The following SERPING1 variants were observed in gnomAD, a reference collection of about 807,000 sequenced individuals.
The protein encoded by SERPING1 is plasma protease C1 inhibitor.
SERPING1 carries 5 observed loss-of-function variants against 34.1 expected under a neutral mutation model. That is an observed-to-expected ratio of 0.15 (90% CI 0.08 to 0.31). The LOEUF (loss-of-function observed/expected upper bound fraction) is 0.31, where lower values mean the gene tolerates loss of function less well. Ranked by LOEUF, SERPING1 falls within the 10% of genes least tolerant of loss-of-function variation. SERPING1 has a pLI of 1.00. For missense variants in SERPING1, 505 were observed against 609.5 expected (o/e 0.83, Z 1.81); for synonymous variants, 225 against 242.4 (o/e 0.93, Z 0.67).
At chr11:57,610,013 T>C (rs1945461488) in intron 6 of SERPING1, among the ~76,000 whole-genome samples, 1 of 152,214 alleles carries the variant, frequency 6.6e-6, no homozygotes, top group Non-Finnish European at 1.5e-5. Context: ...CACCTAAAGC[T>C]CACTTGTAAA....
rs752993036 is a variant in SERPING1 at position 57,599,996 on chromosome 11, G to A, written c.169G>A (p.Glu57Lys). Residue 57 changes from glutamate to lysine, a missense_variant, in exon 3 of 8, where the codon GAA (glutamate) becomes AAA (lysine). Physicochemically the swap from Glu to Lys is moderately conservative, Grantham distance 56. Coordinates refer to ENST00000278407, the MANE Select transcript of SERPING1 (RefSeq NM_000062.3). The part of the protein sequence containing the change: ...TTVISKMLFV[E>K]PILEVSSLPT... ...AGTTATCTCCAAGATGCTATTCGTT[G>A]AACCCATCCTGGAGGTTTCCAGCTT... 116 of 1,614,042 alleles carry A rather than the reference G, an allele frequency of 7.2e-5. No homozygotes were observed. The highest frequency in any genetic ancestry group is 4.9e-4 in the Middle Eastern group (3 of 6,084).
At position 57,614,233 on chromosome 11, in the gene SERPING1, C is replaced by T. The variant is rs968979926; in HGVS notation, c.1250-95C>T. The T allele has an allele frequency of 2.7e-6, 4 of 1,493,066 alleles. No individual in the cohort carries two copies. In the African/African-American group the frequency reaches 4.1e-5, roughly 15 times the overall value. 92.5% of individuals were successfully genotyped at this position (1,493,066 alleles called of 1,614,324 possible). A position where few individuals can be genotyped will look rare whatever the true frequency, so the allele number is the denominator to read the frequency against. ...AGGGAAGAGGAAGAGAGCACTGGGA[C>T]TCAGGATGAACCCAGAGAATTCAGG... is the stretch of plus-strand genomic sequence containing the variant. On this transcript the variant is annotated intron_variant, in intron 7 of 7. Transcript: ENST00000278407.
In SERPING1 at chr11:57,599,933, A is replaced by G; in HGVS notation, c.106A>G (p.Ser36Gly). ...CAGCTCCAGCTCCCAGGATCCAGAG[A>G]GTTTGCAAGACAGAGGCGAAGGGAA... ...ATSSSSQDPE[S>G]LQDRGEGKVA... Residue 36 changes from serine to glycine, a missense_variant, in exon 3 of 8, where the codon AGT becomes GGT. Coordinates refer to ENST00000278407, the MANE Select transcript of SERPING1 (RefSeq NM_000062.3). 1 of 1,614,178 alleles carries G rather than the reference A, an allele frequency of 6.2e-7. No homozygotes were observed.
rs763941650 is a variant in SERPING1 at position 57,606,569 on chromosome 11, C to T, written c.1029+22C>T. The T allele has an allele frequency of 9.3e-6, 15 of 1,613,514 alleles. No homozygotes were observed. The African/African-American group carries it at 1.6e-4, about 17-fold the overall frequency. ...CAAGGTAAGTTCTTAACCTTTCCTT[C>T]TCCTGTTTGAAACCTACTTGAGTCT... On this transcript the variant is annotated intron_variant, in intron 6 of 7. Transcript: ENST00000278407.
rs765715943 is a variant in SERPING1 at position 57,599,883 on chromosome 11, G to C, written c.56G>C (p.Arg19Thr). The C allele has an allele frequency of 6.2e-7, 1 of 1,614,032 alleles. No homozygotes were observed. The highest frequency in any genetic ancestry group is 2.2e-5 in the East Asian group (1 of 44,900). Residue 19 changes from arginine to threonine, a missense_variant, in exon 3 of 8, where the codon AGA (arginine) becomes ACA (threonine). Physicochemically the swap from Arg to Thr is moderately conservative, Grantham distance 71. Transcript: ENST00000278407. The part of the protein sequence containing the change: ...TLLLLLLAGD[R>T]ASSNPNATSS... ...ACTCAGTTTCTTGAACCACAGGATAGAGCCTCCTCAAATCCAAATGCTACC... is the reference window on the plus strand; with the variant it reads ...ACTCAGTTTCTTGAACCACAGGATACAGCCTCCTCAAATCCAAATGCTACC...
intron 4 of SERPING1, among the ~76,000 whole-genome samples, chr11:57,605,299 T>C (rs910230610): frequency 1.3e-5 from 2 of 151,490 alleles, no homozygotes; most frequent in African/African-American, 2.4e-5. Context: ...CCTGGGAAAA[T>C]ATCTTTTTTT....
chr11:57,603,291 C>T (rs375634468), intron 4 of SERPING1, among the ~76,000 whole-genome samples: 6 of 150,968 alleles, frequency 4.0e-5, no homozygotes, highest in Non-Finnish European at 5.9e-5. Context: ...CGCCTGTAAT[C>T]GCAACACTTT....
chr11:57,599,637 A>ACTAT (rs1945324742), intron 2 of SERPING1, among the ~76,000 whole-genome samples: 1 of 152,198 alleles, frequency 6.6e-6, no homozygotes, highest in South Asian at 2.1e-4. Context: ...AGAGTCCCTG[A>ACTAT]CTATCCCTCA....
chr11:57,606,496 T>C lies in SERPING1; in HGVS notation c.978T>C (p.Asn326=). The C allele has an allele frequency of 6.2e-7, 1 of 1,614,186 alleles. No homozygotes were observed. Among genetic ancestry groups the C allele is most frequent in the Non-Finnish European group, 8.5e-7 (1 of 1,180,022 alleles). The change falls in exon 6 of 8, where the codon AAT becomes AAC. Residue 326 remains asparagine, a synonymous_variant. Transcript: ENST00000278407. ...CAGTTATAAAAGTGCCCATGATGAA[T>C]AGCAAGAAGTACCCTGTGGCCCATT... ...KNSVIKVPMM[N]SKKYPVAHFI... is the part of the protein sequence containing the mutation.
At chr11:57,606,643 C>A in intron 6 of SERPING1, 96 bp downstream of exon 6, 1 of 1,230,766 alleles carries the variant, frequency 8.1e-7, no homozygotes, top group Non-Finnish European at 1.2e-6. Context: ...TACATGCTTA[C>A]AAATTCATCA....
At chr11:57,601,609 C>T (rs542247080) in intron 3 of SERPING1, among the ~76,000 whole-genome samples, 2 of 152,016 alleles carry the variant, frequency 1.3e-5, no homozygotes, top group South Asian at 2.1e-4. Flanking sequence ...TGGCTGGGCA[C>T]GGTGACTCAC....
Position 57,614,463 on chromosome 11 carries a change from T to C in SERPING1, c.1385T>C (p.Ile462Thr), listed in dbSNP as rs763451792. The C allele has an allele frequency of 3.1e-6, 5 of 1,614,122 alleles. No homozygotes were observed. In the Admixed American group the frequency reaches 8.3e-5, roughly 27 times the overall value. The change falls in exon 8 of 8, where the codon ATC (isoleucine) becomes ACC (threonine). Residue 462 changes from isoleucine to threonine, a missense_variant. By Grantham distance (89) the Ile-to-Thr change is moderately conservative. Transcript: ENST00000278407. ...GTGGAGGCGGCTGCAGCCTCCGCCA[T>C]CTCTGTGGCCCGCACCCTGCTGGTC... is the stretch of plus-strand genomic sequence containing the variant. ...TGVEAAAASA[I>T]SVARTLLVFE...
In SERPING1 at chr11:57,610,350, C is replaced by G. The variant is rs1384170814; in HGVS notation, c.1030-1367C>G. On this transcript the variant is annotated intron_variant, in intron 6 of 7. Coordinates refer to ENST00000278407, the MANE Select transcript of SERPING1 (RefSeq NM_000062.3). ...GGTTACTGGCTTGAAAATTCAAGACCACAGCATGGTAAATTTTTCTTCAGA... is the reference window on the plus strand; with the variant it reads ...GGTTACTGGCTTGAAAATTCAAGACGACAGCATGGTAAATTTTTCTTCAGA... Among the ~76,000 whole-genome samples, 3 of 152,268 alleles carry G rather than the reference C, an allele frequency of 2.0e-5. No homozygotes were observed. The East Asian group carries it at 5.8e-4, about 29-fold the overall frequency.
chr11:57,603,828 G>T (rs1302287564), intron 4 of SERPING1, among the ~76,000 whole-genome samples: 2 of 129,256 alleles, frequency 1.5e-5, no homozygotes, highest in African/African-American at 3.0e-5. Flanking sequence ...AACAGAGCGA[G>T]ACACCATCTC....
chr11:57,605,931 C>T, intron 4 of SERPING1, 79 bp from the exon 5 acceptor site: 2 of 1,280,888 alleles, frequency 1.6e-6, no homozygotes, highest in Non-Finnish European at 2.3e-6. Context: ...CCATAGAAAG[C>T]ATGCTCACTC....
In SERPING1 at chr11:57,614,361, G is replaced by A. The variant is rs1945512818; in HGVS notation, c.1283G>A (p.Cys428Tyr). 6.2e-7 allele frequency: 1 copy of A among 1,613,918 alleles called. No individual in the cohort carries two copies. ...FFDFSYDLNL[C>Y]GLTEDPDLQV... ...GATTTTTCTTATGACCTTAACCTGT[G>A]TGGGCTGACAGAGGACCCAGATCTT... is the stretch of plus-strand genomic sequence containing the variant. The change falls in exon 8 of 8, where the codon TGT becomes TAT. Residue 428 changes from cysteine (C) to tyrosine (Y), a missense_variant. Physicochemically the swap from Cys to Tyr is radical, Grantham distance 194. Transcript: ENST00000278407.
chr11:57,611,586 G>A, intron 6 of SERPING1, 131 bp from the exon 7 acceptor site: 1 of 890,578 alleles, frequency 1.1e-6, no homozygotes, highest in Non-Finnish European at 1.9e-6. Context: ...AAGCCTGGAA[G>A]CTTAGGTCTG....
rs759959495 is a variant in SERPING1 at position 57,614,618 on chromosome 11, C to T, written c.*37C>T. ...TCAGGTTAGGGCGAGCGCTACCTCT[C>T]CAGCCTCAGCTCTCAGTTGCAGCCC... On this transcript the variant is annotated 3_prime_UTR_variant, in exon 8 of 8. Transcript: ENST00000278407. 1 of 1,604,206 alleles carries T rather than the reference C, an allele frequency of 6.2e-7. No homozygotes were observed. Among genetic ancestry groups the T allele is most frequent in the Admixed American group, 1.7e-5 (1 of 59,574 alleles).
chr11:57,606,688 T>G (rs1945414110), intron 6 of SERPING1, 141 bp downstream of exon 6: 1 of 921,158 alleles, frequency 1.1e-6, no homozygotes, highest in Admixed American at 1.7e-5. Flanking sequence ...CCACCCTATC[T>G]TTTCTCCTTC....
Sources: gnomAD v4.1 joint callset for allele counts (sites outside exome capture counted in the v4.1 genomes callset) on GRCh38, gnomAD v4.1.1 for gene constraint, MANE v1.5 for transcripts, NCBI Gene and HGNC (gene_info 2026-07-23, HGNC 2026-07-21) for gene names.